Variants in FAT3 observed in about 807,000 individuals in gnomAD.
FAT3 encodes FAT atypical cadherin 3.
Under a neutral mutation model 310.2 loss-of-function variants are expected in FAT3, and 95 were observed. The observed-to-expected ratio is 0.31, with a 90% CI of 0.26 to 0.36. The LOEUF (loss-of-function observed/expected upper bound fraction) is 0.36. Among genes scored for constraint, FAT3 ranks in the 10% least tolerant of loss-of-function variants. The pLI is 1.00. For synonymous variants in FAT3, 2,314 were observed against 2,192.9 expected (o/e 1.06, Z -1.54); for missense variants, 5,408 against 5,715.6 (o/e 0.95, Z 1.74).
chr11:92,492,267 CCATCCATCCATCCATCCATCCATT>C (rs1952624628), intron 2 of FAT3, among the ~76,000 whole-genome samples: 2 of 151,698 alleles, frequency 1.3e-5, no homozygotes, highest in South Asian at 2.1e-4. Context: ...ATCCATCCAT[CCATCCATCCATCCATCCATCCATT>C]CATCCATCCA....
chr11:92,661,833 A>G (rs985272239), intron 3 of FAT3, among the ~76,000 whole-genome samples: 1 of 152,066 alleles, frequency 6.6e-6, no homozygotes, highest in African/African-American at 2.4e-5. Flanking sequence ...TATATAGTTC[A>G]GGTGGAGATT....
intron 3 of FAT3, among the ~76,000 whole-genome samples, chr11:92,682,357 C>T (rs764569588): frequency 2.0e-5 from 3 of 152,152 alleles, no homozygotes; most frequent in Admixed American, 6.5e-5. Context: ...TTTTTAGAAG[C>T]ATGTGATTAT....
At chr11:92,336,224 G>T in intron 1 of FAT3, 1 of 568,148 alleles carries the variant, frequency 1.8e-6, no homozygotes, top group Admixed American at 1.9e-5. Flanking sequence ...CGCCAAAGAA[G>T]AAGACAACTC....
intron 6 of FAT3, among the ~76,000 whole-genome samples, chr11:92,772,640 A>G (rs1946488438): frequency 6.6e-6 from 1 of 152,110 alleles, no homozygotes; most frequent in Non-Finnish European, 1.5e-5. Flanking sequence ...AAAGTATATA[A>G]TCTCCAAGCA....
intron 2 of FAT3, chr11:92,498,541 C>T (rs995721476): frequency 1.4e-4 from 21 of 152,970 alleles, no homozygotes; most frequent in African/African-American, 5.1e-4. Context: ...AAGCAAATAA[C>T]CATCTATAGT....
chr11:92,276,402 T>A (rs1376828876), intron 1 of FAT3, among the ~76,000 whole-genome samples: 1 of 152,122 alleles, frequency 6.6e-6, no homozygotes. Context: ...CCCATCTTCA[T>A]GGGAGGAGTA....
In FAT3 at chr11:92,866,956, C is replaced by T. The variant is rs768859564; in HGVS notation, c.11874C>T (p.Phe3958=). 6.2e-6 allele frequency: 10 copies of T among 1,613,332 alleles called. No individual in the cohort carries two copies. The highest frequency in any genetic ancestry group is 2.2e-5 in the East Asian group (1 of 44,856). ...QTLSTESSIY[F]GALVQADNIR... ...TGAGCACTGAGAGTAGCATCTACTT[C>T]GGCGCCCTGGTGCAAGCGGATAACA... The change falls in exon 22 of 28, where the codon TTC becomes TTT. Residue 3958 remains phenylalanine (F), a synonymous_variant. Transcript: ENST00000525166.
intron 7 of FAT3, among the ~76,000 whole-genome samples, chr11:92,779,654 A>G (rs1335630699): frequency 1.3e-5 from 2 of 152,174 alleles, no homozygotes; most frequent in Admixed American, 1.3e-4. Context: ...CTTCCCCAAG[A>G]AGATGTTCAT....
chr11:92,788,389 A>G (rs1465332297), intron 7 of FAT3, among the ~76,000 whole-genome samples: 1 of 152,140 alleles, frequency 6.6e-6, no homozygotes, highest in Non-Finnish European at 1.5e-5. Flanking sequence ...TAAGGAACCA[A>G]CTCACTATTT....
At chr11:92,500,800 T>C (rs1405181988) in intron 2 of FAT3, among the ~76,000 whole-genome samples, 2 of 152,044 alleles carry the variant, frequency 1.3e-5, no homozygotes, top group East Asian at 3.9e-4. Flanking sequence ...TTGAGGTGCC[T>C]AGGGCTGCTG....
intron 3 of FAT3, among the ~76,000 whole-genome samples, chr11:92,536,296 C>G (rs1398901389): frequency 6.6e-6 from 1 of 152,168 alleles, no homozygotes; most frequent in Non-Finnish European, 1.5e-5. Context: ...GACACATTTG[C>G]TTTCTACTTT....
At chr11:92,387,061 CTA>C (rs1949640435) in intron 2 of FAT3, among the ~76,000 whole-genome samples, 1 of 125,654 alleles carries the variant, frequency 8.0e-6, no homozygotes, top group African/African-American at 3.5e-5. Context: ...ATTATGGGAG[CTA>C]GTGTGTGTGT....
At chr11:92,808,565 A>G (rs958691285) in intron 12 of FAT3, among the ~76,000 whole-genome samples, 1 of 152,182 alleles carries the variant, frequency 6.6e-6, no homozygotes, top group Non-Finnish European at 1.5e-5. Flanking sequence ...GAGGGAAATG[A>G]TCCAACCTGT....
At chr11:92,666,353 A>ATTTT (rs35495410) in intron 3 of FAT3, among the ~76,000 whole-genome samples, 94 of 140,270 alleles carry the variant, frequency 6.7e-4, no homozygotes, top group Admixed American at 3.1e-3. Context: ...AATTTGAAGG[A>ATTTT]TTTTTTTTTT....
intron 22 of FAT3, among the ~76,000 whole-genome samples, chr11:92,869,711 A>G (rs1197738654): frequency 6.6e-6 from 1 of 152,252 alleles, no homozygotes; most frequent in East Asian, 1.9e-4. Context: ...CTTCATATCT[A>G]TGAAACTATG....
In FAT3 at chr11:92,772,594, T is replaced by C. The variant is rs7943199; in HGVS notation, c.4196-1447T>C. 8.5e-3 allele frequency among the ~76,000 whole-genome samples: 1,298 copies of C among 152,264 alleles called. 30 individuals are homozygous for C. The highest frequency in any genetic ancestry group is 0.03 in the African/African-American group (1,234 of 41,548). Reference sequence around the variant, plus strand: ...CATCAAATCAATTAAAGATATTAATTGGAAGATGAGTCTCTTTTTAGATGA... The same window carrying C: ...CATCAAATCAATTAAAGATATTAATCGGAAGATGAGTCTCTTTTTAGATGA... On this transcript the variant is annotated intron_variant, in intron 6 of 27. Coordinates refer to ENST00000525166, the MANE Select transcript of FAT3 (RefSeq NM_001367949.2).
At chr11:92,670,127 T>C (rs1943083182) in intron 3 of FAT3, among the ~76,000 whole-genome samples, 1 of 152,224 alleles carries the variant, frequency 6.6e-6, no homozygotes. Flanking sequence ...AATGCTCTAA[T>C]TTTTTCTTTT....
Position 92,801,823 on chromosome 11 carries a change from A to G in FAT3, c.8810A>G (p.Asp2937Gly), listed in dbSNP as rs373073329. The change falls in exon 10 of 28, where the codon GAC (aspartate) becomes GGC (glycine). Residue 2937 changes from aspartate to glycine, a missense_variant. By Grantham distance (94) the Asp-to-Gly change is moderately conservative (BLOSUM62 -1). This residue lies in a region of FAT3 where 4,588 missense variants were observed against 4,809.8 expected (regional missense o/e 0.95). Transcript: ENST00000525166. ...EVYRGNVKES[D>G]PPGEVVAVLS... ...TACCGAGGGAATGTGAAGGAGAGCGACCCACCGGGCGAGGTGGTAGCCGTC... is the reference window on the plus strand; with the variant it reads ...TACCGAGGGAATGTGAAGGAGAGCGGCCCACCGGGCGAGGTGGTAGCCGTC... 1 of 1,613,766 alleles carries G rather than the reference A, an allele frequency of 6.2e-7. No homozygotes were observed. The highest frequency in any genetic ancestry group is 8.5e-7 in the Non-Finnish European group (1 of 1,179,814).
intron 4 of FAT3, among the ~76,000 whole-genome samples, chr11:92,727,072 T>TC (rs1488930896): frequency 6.6e-6 from 1 of 152,166 alleles, no homozygotes; most frequent in Non-Finnish European, 1.5e-5. Context: ...AACCACTCAA[T>TC]CTACTATGAA....
Sources: gnomAD v4.1 joint callset for allele counts (sites outside exome capture counted in the v4.1 genomes callset) on GRCh38, gnomAD v4.1.1 for gene constraint, gnomAD v4.1.1 regional missense constraint, MANE v1.5 for transcripts, NCBI Gene and HGNC (gene_info 2026-07-23, HGNC 2026-07-21) for gene names.